Variants in DNAH9 observed in about 807,000 individuals in gnomAD.
DNAH9 encodes DNAH9 variant protein.
DNAH9 carries 345 observed loss-of-function variants against 471.6 expected under a neutral mutation model. The observed-to-expected ratio is 0.73, with a 90% CI of 0.67 to 0.80. The LOEUF (loss-of-function observed/expected upper bound fraction) is 0.80. Ranked by LOEUF, DNAH9 falls within the 30% of genes least tolerant of loss-of-function variation. The pLI is 0.00. For missense variants in DNAH9, 5,407 were observed against 5,609.2 expected (o/e 0.96, Z 1.15); for synonymous variants, 2,093 against 2,123.6 (o/e 0.99, Z 0.40).
chr17:11,894,037 C>T (rs929641875), intron 58 of DNAH9, among the ~76,000 whole-genome samples: 4 of 152,174 alleles, frequency 2.6e-5, no homozygotes, highest in African/African-American at 7.2e-5. Flanking sequence ...ACATTCTCCT[C>T]AGATCATGTC....
chr17:11,726,196 T>C (rs966353111), intron 27 of DNAH9, among the ~76,000 whole-genome samples: 4 of 152,174 alleles, frequency 2.6e-5, no homozygotes, highest in Admixed American at 6.5e-5. Context: ...CTTGTGTGTG[T>C]CCTAAAGCAT....
rs1191437330 is a variant in DNAH9, at chr17:11,853,919, C to T, written c.9508-84C>T. 3.0e-6 allele frequency: 4 copies of T among 1,333,356 alleles called. No individual in the cohort carries two copies. The South Asian group carries it at 4.1e-5, about 14-fold the overall frequency. 82.6% of individuals were successfully genotyped at this position (1,333,356 alleles called of 1,614,324 possible). On this transcript the variant is annotated intron_variant, in intron 49 of 68. Coordinates refer to ENST00000262442, the MANE Select transcript of DNAH9 (RefSeq NM_001372.4). ...TTCAAAGCAGCCCTTTCAAACCGATCGCTCCACAACCTAACTCCATCAGTG... is the reference window on the plus strand; with the variant it reads ...TTCAAAGCAGCCCTTTCAAACCGATTGCTCCACAACCTAACTCCATCAGTG...
At chr17:11,849,933 A>G (rs570224995) in intron 49 of DNAH9, among the ~76,000 whole-genome samples, 6 of 152,280 alleles carry the variant, frequency 3.9e-5, no homozygotes, top group African/African-American at 1.2e-4. Flanking sequence ...CTCAACAAAG[A>G]CTTTTTGAGT....
At chr17:11,903,291 T>C (rs1479037956) in intron 60 of DNAH9, among the ~76,000 whole-genome samples, 2 of 151,730 alleles carry the variant, frequency 1.3e-5, no homozygotes, top group African/African-American at 4.9e-5. Flanking sequence ...TGACCCGAGA[T>C]TGCGTCACTA....
chr17:11,603,512 T>C (rs1187238172), intron 1 of DNAH9, among the ~76,000 whole-genome samples: 4 of 152,220 alleles, frequency 2.6e-5, no homozygotes, highest in African/African-American at 7.2e-5. Context: ...TGCCCTCTGA[T>C]GCCAACCCTA....
chr17:11,872,146 C>T (rs937470138), intron 52 of DNAH9, among the ~76,000 whole-genome samples: 1 of 152,180 alleles, frequency 6.6e-6, no homozygotes, highest in African/African-American at 2.4e-5. Context: ...TTCATAGGAG[C>T]AGTCAGGGGA....
intron 48 of DNAH9, among the ~76,000 whole-genome samples, chr17:11,829,100 C>T (rs187722979): frequency 2.0e-5 from 3 of 152,292 alleles, no homozygotes; most frequent in Admixed American, 1.3e-4. Flanking sequence ...ATTCCATAAA[C>T]ACTTGGCAAT....
intron 65 of DNAH9, among the ~76,000 whole-genome samples, chr17:11,935,123 C>A (rs966261076): frequency 2.0e-5 from 3 of 151,298 alleles, no homozygotes; most frequent in Non-Finnish European, 4.4e-5. Flanking sequence ...CACCACCACA[C>A]CCGGTTTTTG....
intron 66 of DNAH9, 84 bp from the exon 67 acceptor site, chr17:11,942,219 T>A: frequency 6.6e-7 from 1 of 1,520,450 alleles, no homozygotes; most frequent in Non-Finnish European, 8.9e-7. Flanking sequence ...GTGATTGGCA[T>A]CTCTAGTCCC....
intron 50 of DNAH9, among the ~76,000 whole-genome samples, chr17:11,864,647 G>C (rs1416406441): frequency 1.3e-5 from 2 of 152,018 alleles, no homozygotes; most frequent in African/African-American, 4.8e-5. Flanking sequence ...TTATTAATGT[G>C]TGGGAGTCTA....
intron 43 of DNAH9, among the ~76,000 whole-genome samples, chr17:11,801,272 AT>A (rs1282796028): frequency 6.6e-6 from 1 of 152,112 alleles, no homozygotes; most frequent in Non-Finnish European, 1.5e-5. Flanking sequence ...TTCTTCAAAT[AT>A]TTTTTTGTAT....
Position 11,902,931 on chromosome 17 carries a change from G to A in DNAH9, c.11600+19G>A, listed in dbSNP as rs1481464767. ...CTTTGCGGTAGGAAACAGGGTGGTG[G>A]AAGGCCCAGCATAGGCATGGGGCAA... is the stretch of plus-strand genomic sequence containing the variant. On this transcript the variant is annotated intron_variant, in intron 60 of 68. Transcript: ENST00000262442. 4 of 1,608,954 alleles carry A rather than the reference G, an allele frequency of 2.5e-6. No homozygotes were observed. Among genetic ancestry groups the A allele is most frequent in the Admixed American group, 1.7e-5 (1 of 59,476 alleles).
chr17:11,925,545 C>T (rs1037731976), intron 62 of DNAH9: 4 of 155,972 alleles, frequency 2.6e-5, no homozygotes, highest in Non-Finnish European at 5.7e-5. Context: ...GTATGACCTC[C>T]CCACCCCCTC....
At chr17:11,721,561 C>T (rs1196112771) in intron 27 of DNAH9, among the ~76,000 whole-genome samples, 7 of 152,044 alleles carry the variant, frequency 4.6e-5, no homozygotes, top group Non-Finnish European at 1.5e-5. Context: ...ATTGCCTTTC[C>T]TCAGCATGTG....
At chr17:11,661,343 G>A (rs1353070595) in intron 14 of DNAH9, among the ~76,000 whole-genome samples, 3 of 151,636 alleles carry the variant, frequency 2.0e-5, no homozygotes, top group South Asian at 2.1e-4. Context: ...CTTAATAGTC[G>A]GCATATAATA....
chr17:11,874,851 T>G, intron 52 of DNAH9, 98 bp from the exon 53 acceptor site: 1 of 854,802 alleles, frequency 1.2e-6, no homozygotes, highest in Non-Finnish European at 1.9e-6. Context: ...TGATCTTGCT[T>G]TTAAAGGAGT....
chr17:11,807,302 C>T (rs916765111), intron 43 of DNAH9, among the ~76,000 whole-genome samples: 4 of 152,188 alleles, frequency 2.6e-5, no homozygotes. Flanking sequence ...GCCTTGTCCT[C>T]CAGCCTTTCC....
intron 49 of DNAH9, among the ~76,000 whole-genome samples, chr17:11,849,071 C>T (rs1971322166): frequency 1.3e-5 from 2 of 152,154 alleles, no homozygotes; most frequent in African/African-American, 2.4e-5. Context: ...CTCCTGACCT[C>T]GTGATCCACC....
Position 11,891,834 on chromosome 17 carries a change from A to G in DNAH9, c.11170A>G (p.Arg3724Gly), listed in dbSNP as rs1226934690. 6.2e-7 allele frequency: 1 copy of G among 1,614,016 alleles called. No homozygotes were observed. Among genetic ancestry groups the G allele is most frequent in the African/African-American group, 1.3e-5 (1 of 74,908 alleles). ...GAGGGCTGCTCCTGACGAAAGCCTC[A>G]GGGAGCGGGTGGCCAACCTAATAGA... is the stretch of plus-strand genomic sequence containing the variant. ...VERAAPDESL[R>G]ERVANLIDSI... is the part of the protein sequence containing the mutation. The change falls in exon 58 of 69, where the codon AGG (arginine) becomes GGG (glycine). Residue 3724 changes from arginine to glycine, a missense_variant. Physicochemically the swap from Arg to Gly is moderately radical, Grantham distance 125 (BLOSUM62 -2). Around this residue, in one of 3 missense-constraint regions of DNAH9, gnomAD observed 4,636 missense variants for 4,900.3 expected, o/e 0.95. Coordinates refer to ENST00000262442, the MANE Select transcript of DNAH9 (RefSeq NM_001372.4).
Sources: gnomAD v4.1 joint callset for allele counts (sites outside exome capture counted in the v4.1 genomes callset) on GRCh38, gnomAD v4.1.1 for gene constraint, gnomAD v4.1.1 regional missense constraint, MANE v1.5 for transcripts, NCBI Gene and HGNC (gene_info 2026-07-23, HGNC 2026-07-21) for gene names.